The following SLA2 variants were observed in gnomAD, a reference collection of about 807,000 sequenced individuals.
The protein encoded by SLA2 is src-like-adapter 2.
SLA2 carries 22 observed loss-of-function variants against 27.3 expected under a neutral mutation model. The ratio of observed to expected loss-of-function variants is 0.81; its 90% CI spans 0.58 to 1.15. SLA2 has a LOEUF of 1.15. Ranked by LOEUF, SLA2 falls within the 50% of genes most tolerant of loss-of-function variation. The pLI is 0.00. For synonymous variants in SLA2, 131 were observed against 137.8 expected, an observed-to-expected ratio of 0.95 and a Z score of 0.34; for missense variants, 304 against 322.2, an observed-to-expected ratio of 0.94 and a Z score of 0.43.
At chr20:36,622,295 T>G (rs2039291673) in intron 5 of SLA2, among the ~76,000 whole-genome samples, 1 of 150,326 alleles carries the variant, frequency 6.7e-6, no homozygotes, top group South Asian at 2.1e-4. Context: ...GAGTATCTCT[T>G]GAACCCGGGA....
In SLA2 at chr20:36,632,462, C is replaced by T. The variant is rs906723053; in HGVS notation, c.382+133G>A. 2.9e-4 allele frequency: 199 copies of T among 678,912 alleles called. 1 individual carries two copies. The Admixed American group carries it at 4.7e-3, about 16-fold the overall frequency. 42.1% of individuals were successfully genotyped at this position (678,912 alleles called of 1,614,324 possible). A position where few individuals can be genotyped will look rare whatever the true frequency, so the allele number is the denominator to read the frequency against. The stretch of plus-strand genomic sequence containing the variant: ...ATATGGGCAGGACACGGAGCTGGGG[C>T]TCAGGAAATCTTGGTTGACTGAGAA... On this transcript the variant is annotated intron_variant, in intron 5 of 7. Coordinates refer to ENST00000262866, the MANE Select transcript of SLA2 (RefSeq NM_032214.4).
chr20:36,619,425 CT>C (rs2039255015), intron 5 of SLA2, among the ~76,000 whole-genome samples: 1 of 150,918 alleles, frequency 6.6e-6, no homozygotes, highest in Non-Finnish European at 1.5e-5. Flanking sequence ...ACTTGGGAGA[CT>C]GAGGCAGGAG....
chr20:36,614,482 C>G, intron 6 of SLA2, 45 bp from the exon 7 acceptor site: 1 of 1,555,982 alleles, frequency 6.4e-7, no homozygotes, highest in Non-Finnish European at 8.7e-7. Context: ...CTCCACCCTA[C>G]TTCTCCCCAA....
intron 4 of SLA2, among the ~76,000 whole-genome samples, chr20:36,633,186 C>G (rs1338438981): frequency 6.6e-6 from 1 of 152,204 alleles, no homozygotes; most frequent in Non-Finnish European, 1.5e-5. Context: ...ATCCTCCCAC[C>G]TCAGCCTCCC....
At chr20:36,634,713 C>T (rs1200767852) in intron 2 of SLA2, 124 bp from the exon 3 acceptor site, 2 of 541,424 alleles carry the variant, frequency 3.7e-6, no homozygotes, top group African/African-American at 3.9e-5. Context: ...GAGGGAGTCC[C>T]ATCCACTTCC....
At chr20:36,631,545 C>T (rs2039393495) in intron 5 of SLA2, among the ~76,000 whole-genome samples, 1 of 152,176 alleles carries the variant, frequency 6.6e-6, no homozygotes, top group Non-Finnish European at 1.5e-5. Flanking sequence ...TGCTAGACAC[C>T]AAGGCTAGGA....
At chr20:36,620,978 T>C (rs1471130045) in intron 5 of SLA2, 1 of 335,414 alleles carries the variant, frequency 3.0e-6, no homozygotes, top group Non-Finnish European at 5.9e-6. Context: ...TCTGGCAATT[T>C]TACAGGTTAC....
chr20:36,632,139 C>T (rs938332749), intron 5 of SLA2, among the ~76,000 whole-genome samples: 3 of 152,182 alleles, frequency 2.0e-5, no homozygotes, highest in African/African-American at 7.2e-5. Flanking sequence ...AGCAACCCCA[C>T]TGCCTTGGGA....
chr20:36,636,623 A>AAAATATATAT (rs1387991352), intron 2 of SLA2, among the ~76,000 whole-genome samples: 1 of 114,686 alleles, frequency 8.7e-6, no homozygotes, highest in African/African-American at 4.0e-5. Flanking sequence ...AAAAAAAAAA[A>AAAATATATAT]ATATATATAT....
In SLA2 at chr20:36,615,206, A is replaced by C; in HGVS notation, c.532+19T>G. 1 of 1,614,026 alleles carries C rather than the reference A, an allele frequency of 6.2e-7. No homozygotes were observed. Among genetic ancestry groups the C allele is most frequent in the Non-Finnish European group, 8.5e-7 (1 of 1,179,998 alleles). On this transcript the variant is annotated intron_variant, in intron 6 of 7. Transcript: ENST00000262866. ...ACAGACTATCCCAGCCTAGTCCTGG[A>C]GGCAGGGAAAGGCCATACCAGAGTA...
At chr20:36,631,412 C>T (rs2039392437) in intron 5 of SLA2, among the ~76,000 whole-genome samples, 1 of 152,196 alleles carries the variant, frequency 6.6e-6, no homozygotes, top group Non-Finnish European at 1.5e-5. Flanking sequence ...CCTCAGCCTC[C>T]CAAAGTGCTG....
At chr20:36,638,363 C>T (rs188869679) in intron 2 of SLA2, among the ~76,000 whole-genome samples, 2 of 152,174 alleles carry the variant, frequency 1.3e-5, no homozygotes, top group East Asian at 3.9e-4. Flanking sequence ...GAGTCTTGCT[C>T]TGTCCCCCAG....
At chr20:36,632,004 C>T (rs2039397442) in intron 5 of SLA2, among the ~76,000 whole-genome samples, 1 of 152,178 alleles carries the variant, frequency 6.6e-6, no homozygotes, top group South Asian at 2.1e-4. Flanking sequence ...TCGGGGTCCC[C>T]TAAACTGACC....
At chr20:36,635,523 G>T (rs116604352) in intron 2 of SLA2, among the ~76,000 whole-genome samples, 1 of 151,866 alleles carries the variant, frequency 6.6e-6, no homozygotes, top group Non-Finnish European at 1.5e-5. Flanking sequence ...TGTGCTCCGG[G>T]TGGGCATGGG....
chr20:36,625,216 A>ATTTTTTTT (rs71186005), intron 5 of SLA2, among the ~76,000 whole-genome samples: 30 of 78,482 alleles, frequency 3.8e-4, no homozygotes, highest in Non-Finnish European at 4.8e-4. Context: ...ACGTACCCTG[A>ATTTTTTTT]TTTTTTTTTT....
intron 5 of SLA2, among the ~76,000 whole-genome samples, chr20:36,616,087 A>C (rs1356453847): frequency 6.6e-6 from 1 of 152,218 alleles, no homozygotes. Flanking sequence ...CCAACATGAC[A>C]TTATATGTTG....
intron 2 of SLA2, among the ~76,000 whole-genome samples, chr20:36,636,427 C>CAAAAAAAAAAAAAAAAA (rs71186007): frequency 1.6e-5 from 1 of 61,434 alleles, no homozygotes; most frequent in African/African-American, 7.0e-5. Flanking sequence ...GACTCCGTCT[C>CAAAAAAAAAAAAAAAAA]AAAAAAAAAA....
At chr20:36,629,936 CAAA>C (rs1235657565) in intron 5 of SLA2, among the ~76,000 whole-genome samples, 7 of 122,758 alleles carry the variant, frequency 5.7e-5, no homozygotes, top group African/African-American at 1.8e-4. Context: ...GACTCTGTCT[CAAA>C]AAAAAAAAAA....
intron 2 of SLA2, among the ~76,000 whole-genome samples, chr20:36,635,131 C>T (rs6101573): frequency 6.6e-6 from 1 of 151,758 alleles, no homozygotes; most frequent in African/African-American, 2.4e-5. Flanking sequence ...CTCAGCACAG[C>T]ACCCACGCCC....
Sources: allele counts gnomAD v4.1 joint callset (sites outside exome capture counted in the v4.1 genomes callset), GRCh38; gene constraint gnomAD v4.1.1; transcripts MANE v1.5; gene names NCBI Gene and HGNC (gene_info 2026-07-23, HGNC 2026-07-21).